CCNH: variants seen among roughly 807,000 people sequenced by gnomAD.
CCNH encodes cyclin H.
A neutral mutation model predicts 41.9 loss-of-function variants in CCNH; 31 were observed. The ratio of observed to expected loss-of-function variants is 0.74; its 90% CI spans 0.56 to 1.00. The LOEUF (loss-of-function observed/expected upper bound fraction) is 1.00. CCNH is among the 50% of genes least tolerant of loss of function. The pLI is 0.00. For synonymous variants in CCNH, 138 were observed against 136.1 expected, an observed-to-expected ratio of 1.01 and a Z score of -0.10; for missense variants, 362 against 388.4, an observed-to-expected ratio of 0.93 and a Z score of 0.57.
At chr5:87,315,791 A>G (rs1054423385), downstream of CCNH, among the ~76,000 whole-genome samples, 26 of 152,324 alleles carry the variant, frequency 1.7e-4, no homozygotes, top group African/African-American at 6.3e-4. Context: ...CAGATTAAAT[A>G]CTTCCTAGGA....
intron 9 of CCNH, among the ~76,000 whole-genome samples, chr5:87,354,588 C>A (rs529708059): frequency 8.5e-5 from 13 of 152,216 alleles, no homozygotes; most frequent in South Asian, 2.1e-4. Context: ...TCTGCAGACA[C>A]AACACTATTA....
At chr5:87,346,379 A>G (rs1324264478) in intron 9 of CCNH, among the ~76,000 whole-genome samples, 3 of 151,996 alleles carry the variant, frequency 2.0e-5, no homozygotes, top group African/African-American at 7.2e-5. Context: ...CAAAAAGAAA[A>G]AAAAGACCTA....
chr5:87,389,382 T>C, downstream of CCNH: 1 of 1,613,880 alleles, frequency 6.2e-7, no homozygotes, highest in Non-Finnish European at 8.5e-7. Context: ...AATTTTACGA[T>C]TCCCTTAAAG....
chr5:87,383,697 T>A lies in CCNH; in HGVS notation c.*90+9073A>T, dbSNP rs969967865. Reference sequence around the variant, plus strand: ...GTTTTCTAAAAAAAAAAAAAAAAAATTTCCCTCCCATTCAGTGGTTTTGTT... The same window carrying A: ...GTTTTCTAAAAAAAAAAAAAAAAAAATTCCCTCCCATTCAGTGGTTTTGTT... On this transcript the variant is annotated intron_variant and NMD_transcript_variant, in intron 9 of 9. Transcript: ENST00000645953. The A allele has an allele frequency of 1.8e-5, 29 of 1,576,180 alleles. No homozygotes were observed. The highest frequency in any genetic ancestry group is 3.5e-5 in the Admixed American group (2 of 57,044).
downstream of CCNH, among the ~76,000 whole-genome samples, chr5:87,389,690 C>T (rs545356495): frequency 1.9e-4 from 29 of 152,204 alleles, no homozygotes; most frequent in South Asian, 5.6e-3. Flanking sequence ...TAACGGGCCC[C>T]GACTAAAATG....
chr5:87,342,020 G>A (rs922996161), intron 9 of CCNH, among the ~76,000 whole-genome samples: 1 of 152,086 alleles, frequency 6.6e-6, no homozygotes, highest in African/African-American at 2.4e-5. Context: ...GAATATGTAA[G>A]ATATATTCTG....
intron 7 of CCNH, among the ~76,000 whole-genome samples, chr5:87,396,262 TC>T (rs1360724128): frequency 6.6e-6 from 1 of 152,176 alleles, no homozygotes; most frequent in Non-Finnish European, 1.5e-5. Flanking sequence ...GAGCAGAAAG[TC>T]CTGAAACCAA....
At chr5:87,361,939 G>A (rs143468671) in intron 9 of CCNH, among the ~76,000 whole-genome samples, 3 of 152,266 alleles carry the variant, frequency 2.0e-5, no homozygotes, top group Non-Finnish European at 4.4e-5. Flanking sequence ...CATTGGTAGA[G>A]TTGAAGCATG....
intron 9 of CCNH, among the ~76,000 whole-genome samples, chr5:87,352,907 T>C (rs1158303501): frequency 1.3e-5 from 2 of 151,976 alleles, no homozygotes; most frequent in Non-Finnish European, 2.9e-5. Flanking sequence ...TTGACCTGGC[T>C]GCCCACTTGA....
intron 9 of CCNH, among the ~76,000 whole-genome samples, chr5:87,343,852 T>C (rs955347602): frequency 4.6e-5 from 7 of 152,154 alleles, no homozygotes; most frequent in African/African-American, 1.7e-4. Context: ...AAAGAAAATA[T>C]AGTACATATA....
downstream of CCNH, chr5:87,374,442 CATAT>C (rs772543160): frequency 7.0e-4 from 199 of 283,206 alleles, 1 homozygote; most frequent in African/African-American, 4.4e-3. Context: ...GTTCTAATAG[CATAT>C]ATATATATAT....
chr5:87,411,262 A>G lies in CCNH; in HGVS notation c.202T>C (p.Cys68Arg). ...GGCATTGCTGGCTTAAACACCGAACAGAATTCCAATAACCTTTTCTCATAG... is the reference window on the plus strand; with the variant it reads ...GGCATTGCTGGCTTAAACACCGAACGGAATTCCAATAACCTTTTCTCATAG... ...KYYEKRLLEF[C>R]SVFKPAMPRS... Residue 68 changes from cysteine to arginine, a missense_variant, in exon 2 of 9, where the codon TGT (cysteine) becomes CGT (arginine). Transcript: ENST00000256897. 1.2e-6 allele frequency: 2 copies of G among 1,612,764 alleles called. No individual in the cohort carries two copies. Among genetic ancestry groups the G allele is most frequent in the Middle Eastern group, 1.7e-4 (1 of 6,054 alleles).
Position 87,412,661 on chromosome 5 carries a change from C to A in CCNH, c.117+17G>T. 6.2e-7 allele frequency: 1 copy of A among 1,613,106 alleles called. No homozygotes were observed. The highest frequency in any genetic ancestry group is 2.2e-5 in the East Asian group (1 of 44,852). The stretch of plus-strand genomic sequence containing the variant: ...TTTAGTGACCGGGCAACTGGGCAAC[C>A]GTTGGGAAAACCTCACCTTCCCGTT... On this transcript the variant is annotated intron_variant, in intron 1 of 8. Coordinates refer to ENST00000256897, the MANE Select transcript of CCNH (RefSeq NM_001239.4).
rs1295892202 is a variant in CCNH, at chr5:87,408,205, A to G, written c.315-19T>C. ...AGTGAGCCTAGAGGAAAAAATAAGG[A>G]GGCAGGAGGCAGGGGGTGGGTGGGG... On this transcript the variant is annotated intron_variant, in intron 3 of 8. Coordinates refer to ENST00000256897, the MANE Select transcript of CCNH (RefSeq NM_001239.4). The G allele has an allele frequency of 2.0e-6, 2 of 979,204 alleles. No homozygotes were observed. The highest frequency in any genetic ancestry group is 3.0e-6 in the Non-Finnish European group (2 of 670,288). 60.7% of individuals were successfully genotyped at this position (979,204 alleles called of 1,614,324 possible). A position where few individuals can be genotyped will look rare whatever the true frequency, so the allele number is the denominator to read the frequency against.
chr5:87,377,135 A>C, exon 1 of CCNH: 1 of 1,441,336 alleles, frequency 6.9e-7, no homozygotes, highest in South Asian at 1.2e-5. Context: ...CTAAATTGTT[A>C]AATTATATTG....
At chr5:87,315,935 A>G (rs1031994367), downstream of CCNH, among the ~76,000 whole-genome samples, 1 of 152,204 alleles carries the variant, frequency 6.6e-6, no homozygotes, top group African/African-American at 2.4e-5. Flanking sequence ...TGGAATTGCA[A>G]TAAAAATTTT....
At chr5:87,404,551 T>G (rs1483223413) in intron 5 of CCNH, among the ~76,000 whole-genome samples, 1 of 152,246 alleles carries the variant, frequency 6.6e-6, no homozygotes, top group East Asian at 1.9e-4. Context: ...AGACATTTGC[T>G]GCACTCAAGT....
intron 5 of CCNH, among the ~76,000 whole-genome samples, chr5:87,403,616 A>C (rs1763577353): frequency 6.6e-6 from 1 of 151,730 alleles, no homozygotes; most frequent in Non-Finnish European, 1.5e-5. Context: ...CCAACTCTAC[A>C]AAAAAAACAA....
chr5:87,336,254 A>T (rs1256258105), intron 9 of CCNH, among the ~76,000 whole-genome samples: 1 of 152,144 alleles, frequency 6.6e-6, no homozygotes, highest in Non-Finnish European at 1.5e-5. Context: ...ATTAGTGAAT[A>T]TTTTCAAACA....
Sources: allele counts gnomAD v4.1 joint callset (sites outside exome capture counted in the v4.1 genomes callset), GRCh38; gene constraint gnomAD v4.1.1; transcripts MANE v1.5; gene names NCBI Gene and HGNC (gene_info 2026-07-23, HGNC 2026-07-21).